NAP1L4: variants seen among roughly 807,000 people sequenced by gnomAD.
NAP1L4 encodes the protein nucleosome assembly protein 1 like 4, also known as nucleosome assembly protein 1-like 4.
In NAP1L4, 15 loss-of-function variants were observed where a neutral mutation model predicts 58.2. The observed-to-expected ratio is 0.26, with a 90% confidence interval of 0.17 to 0.40. The LOEUF (loss-of-function observed/expected upper bound fraction) is 0.40, where lower values mean the gene tolerates loss of function less well. Among genes scored for constraint, NAP1L4 ranks in the 10% least tolerant of loss-of-function variants. The probability of loss-of-function intolerance (pLI) is 1.00; values close to 1 mark genes in which losing one functional copy is unlikely to be tolerated. For missense variants in NAP1L4, 384 were observed against 451.1 expected, an observed-to-expected ratio of 0.85 and a Z score of 1.35; for synonymous variants, 171 against 155.6, an observed-to-expected ratio of 1.10 and a Z score of -0.74.
intron 14 of NAP1L4, among the ~76,000 whole-genome samples, chr11:2,950,015 T>C (rs1436852451): frequency 1.3e-5 from 2 of 152,256 alleles, no homozygotes; most frequent in Non-Finnish European, 2.9e-5. Flanking sequence ...CACGTGGCCC[T>C]TGGGTCCATC....
chr11:2,986,657 G>A (rs995183383), intron 1 of NAP1L4, among the ~76,000 whole-genome samples: 4 of 138,634 alleles, frequency 2.9e-5, no homozygotes, highest in African/African-American at 1.1e-4. Context: ...ATAGAGTTTC[G>A]CACTTGTTGC....
At chr11:2,952,112 CGAG>C in intron 12 of NAP1L4, 1 of 453,202 alleles carries the variant, frequency 2.2e-6, no homozygotes, top group Non-Finnish European at 3.9e-6. Flanking sequence ...GTTCTCACAC[CGAG>C]GAGCAGGCAC....
At chr11:2,980,877 A>G (rs751731909) in intron 1 of NAP1L4, among the ~76,000 whole-genome samples, 24 of 152,118 alleles carry the variant, frequency 1.6e-4, no homozygotes, top group Non-Finnish European at 2.9e-4. Flanking sequence ...AATATTACAC[A>G]TTGTCTTTTT....
Position 2,945,500 on chromosome 11 carries a change from T to TAG in NAP1L4, c.*177_*178dup. On this transcript the variant is annotated 3_prime_UTR_variant, in exon 16 of 16. Transcript: ENST00000380542. ...GAAAATCATGCACTTGAAAACGAGTTAGATGGAGTAAGCTCTGTCCACGGG... is the reference window on the plus strand; with the variant it reads ...GAAAATCATGCACTTGAAAACGAGTTAGAGATGGAGTAAGCTCTGTCCACGGG... 1.1e-6 allele frequency: 1 copy of TAG among 917,920 alleles called. No homozygotes were observed. The highest frequency in any genetic ancestry group is 1.6e-6 in the Non-Finnish European group (1 of 624,684). The allele number at this position is 917,920 out of a possible 1,614,324, so 56.9% of individuals were successfully genotyped here. A position where few individuals can be genotyped will look rare whatever the true frequency, so the allele number is the denominator to read the frequency against.
intron 1 of NAP1L4, chr11:2,991,818 TCCGGCGCGC>T (rs1848991744): frequency 6.6e-6 from 1 of 152,206 alleles, no homozygotes; most frequent in Non-Finnish European, 1.5e-5. Context: ...GCCTGAACGC[TCCGGCGCGC>T]CCGGCCGTGT....
chr11:2,967,379 A>G (rs1006879194), intron 7 of NAP1L4, among the ~76,000 whole-genome samples: 5 of 152,170 alleles, frequency 3.3e-5, no homozygotes, highest in Admixed American at 2.0e-4. Flanking sequence ...TTGGGAGGCC[A>G]AGGCAGGCGG....
chr11:2,981,293 G>C (rs189177816), intron 1 of NAP1L4, among the ~76,000 whole-genome samples: 10 of 150,370 alleles, frequency 6.7e-5, no homozygotes, highest in African/African-American at 7.3e-5. Flanking sequence ...ACCTCTGGTC[G>C]CAGCTACTTG....
In NAP1L4 at chr11:2,964,812, A is replaced by G. The variant is rs1436547841; in HGVS notation, c.535-61T>C. 2.3e-6 allele frequency: 3 copies of G among 1,286,192 alleles called. No homozygotes were observed. In the African/African-American group the frequency reaches 4.4e-5, roughly 19 times the overall value. 79.7% of individuals were successfully genotyped at this position (1,286,192 alleles called of 1,614,324 possible). ...TTAAAAAAACAACACATCTCTCCCGAAGAGTCATGGTTGCAGAGGCTCCCA... is the reference window on the plus strand; with the variant it reads ...TTAAAAAAACAACACATCTCTCCCGGAGAGTCATGGTTGCAGAGGCTCCCA... On this transcript the variant is annotated intron_variant, in intron 7 of 15. Coordinates refer to ENST00000380542, the MANE Select transcript of NAP1L4 (RefSeq NM_005969.4).
chr11:2,982,365 C>T (rs552929404), intron 1 of NAP1L4, among the ~76,000 whole-genome samples: 7 of 152,304 alleles, frequency 4.6e-5, no homozygotes, highest in African/African-American at 1.7e-4. Context: ...ACACTAATTG[C>T]TGAAAGAAGC....
In NAP1L4 at chr11:2,961,234, TGGA is replaced by T. The variant is rs529518726; in HGVS notation, c.607-1328_607-1326del. Among the ~76,000 whole-genome samples the T allele has an allele frequency of 6.6e-5, 10 of 151,008 alleles. No individual in the cohort carries two copies. In the East Asian group the frequency reaches 1.8e-3, roughly 26 times the overall value. On this transcript the variant is annotated intron_variant, in intron 8 of 15. Coordinates refer to ENST00000380542, the MANE Select transcript of NAP1L4 (RefSeq NM_005969.4). ...TGAAAAAACAACTTTCAAAGAAAGG[TGGA>T]GGAGGAGGCGGGGCATGAGGGCTTA...
intron 10 of NAP1L4, among the ~76,000 whole-genome samples, chr11:2,957,999 G>A (rs1419458730): frequency 7.2e-5 from 11 of 152,288 alleles, no homozygotes; most frequent in South Asian, 2.1e-4. Flanking sequence ...AGTGGTCCCC[G>A]GGGGGTGCGA....
chr11:2,954,504 C>T lies in NAP1L4; in HGVS notation c.1035+23G>A, dbSNP rs761915133. 2 of 1,612,956 alleles carry T rather than the reference C, an allele frequency of 1.2e-6. No individual in the cohort carries two copies. Among genetic ancestry groups the T allele is most frequent in the Non-Finnish European group, 1.7e-6 (2 of 1,179,068 alleles). Reference sequence around the variant, plus strand: ...ACAGAGATAAGCACCCAGGTGGAAGCCCCCCTTCCCCGAGCCTCATACATT... The same window carrying T: ...ACAGAGATAAGCACCCAGGTGGAAGTCCCCCTTCCCCGAGCCTCATACATT... On this transcript the variant is annotated intron_variant, in intron 12 of 15. Coordinates refer to ENST00000380542, the MANE Select transcript of NAP1L4 (RefSeq NM_005969.4). The surrounding 1 kb of genome is among the most constrained non-coding windows in gnomAD (Gnocchi z 4.8).
intron 7 of NAP1L4, among the ~76,000 whole-genome samples, chr11:2,968,992 T>TG (rs1188022293): frequency 7.9e-5 from 5 of 62,934 alleles, no homozygotes; most frequent in Non-Finnish European, 1.2e-4. Context: ...TGTGTTGTTT[T>TG]TTTTTTTTTT....
At chr11:2,989,357 T>G (rs1198170261) in intron 1 of NAP1L4, 1 of 152,242 alleles carries the variant, frequency 6.6e-6, no homozygotes, top group African/African-American at 2.4e-5. Context: ...TATTCAAATA[T>G]AAACCATCAT....
chr11:2,958,705 G>A, intron 9 of NAP1L4, 161 bp from the exon 10 acceptor site: 1 of 675,500 alleles, frequency 1.5e-6, no homozygotes, highest in Non-Finnish European at 2.4e-6. Flanking sequence ...TCTGGAGGTT[G>A]GCAAAAAGAG....
Position 2,945,595 on chromosome 11 carries a change from C to G in NAP1L4, c.*84G>C. On this transcript the variant is annotated 3_prime_UTR_variant, in exon 16 of 16. Coordinates refer to ENST00000380542, the MANE Select transcript of NAP1L4 (RefSeq NM_005969.4). ...TCCCGACAGCCGGTCTGCCAGGCAC[C>G]CGCCTCCGCTTCCTACTGCTGCTTG... is the stretch of plus-strand genomic sequence containing the variant. The G allele has an allele frequency of 6.5e-7, 1 of 1,535,904 alleles. No individual in the cohort carries two copies. Among genetic ancestry groups the G allele is most frequent in the South Asian group, 1.2e-5 (1 of 84,042 alleles).
At chr11:2,962,832 T>C (rs887338550) in intron 8 of NAP1L4, among the ~76,000 whole-genome samples, 1 of 151,870 alleles carries the variant, frequency 6.6e-6, no homozygotes, top group Admixed American at 6.6e-5. Context: ...CCGGGTGTGG[T>C]GGCTCATGCC....
In NAP1L4 at chr11:2,965,641, G is replaced by A. The variant is rs146255450; in HGVS notation, c.535-890C>T. ...TTGGTCACTGCAAGCTCCGCCTCCC[G>A]GATTCAGCCTCCCGAGCAGCTGGGA... is the stretch of plus-strand genomic sequence containing the variant. On this transcript the variant is annotated intron_variant, in intron 7 of 15. Transcript: ENST00000380542. 2.6e-3 allele frequency among the ~76,000 whole-genome samples: 395 copies of A among 152,014 alleles called. 1 individual carries two copies. Among genetic ancestry groups the A allele is most frequent in the Non-Finnish European group, 3.4e-3 (232 of 67,946 alleles).
At chr11:2,952,263 TTAG>T in intron 12 of NAP1L4, 1 of 168,962 alleles carries the variant, frequency 5.9e-6, no homozygotes, top group South Asian at 1.5e-4. Flanking sequence ...AAAAGAAACC[TTAG>T]TAGAAATATA....
Sources: gnomAD v4.1 joint callset for allele counts (sites outside exome capture counted in the v4.1 genomes callset) on GRCh38, gnomAD v4.1.1 for gene constraint, Gnocchi (gnomAD v3.1) non-coding constraint, MANE v1.5 for transcripts, NCBI Gene and HGNC (gene_info 2026-07-23, HGNC 2026-07-21) for gene names.